Variants in GOLGA7B observed in about 807,000 individuals in gnomAD.
GOLGA7B encodes golgin subfamily A member 7B.
Under a neutral mutation model 21.5 loss-of-function variants are expected in GOLGA7B, and 17 were observed. The ratio of observed to expected loss-of-function variants is 0.79; its 90% CI spans 0.54 to 1.19. The LOEUF (loss-of-function observed/expected upper bound fraction) is 1.19, where lower values mean the gene tolerates loss of function less well. GOLGA7B is among the 50% of genes most tolerant of loss of function. The pLI, the probability that GOLGA7B is intolerant of heterozygous loss-of-function variation, is 0.00. For missense variants in GOLGA7B, 169 were observed against 224.4 expected, an observed-to-expected ratio of 0.75 and a Z score of 1.58; for synonymous variants, 87 against 84.0, an observed-to-expected ratio of 1.04 and a Z score of -0.19.
intron 2 of GOLGA7B, 75 bp downstream of exon 2, chr10:97,859,658 C>T: frequency 2.0e-6 from 3 of 1,512,728 alleles, no homozygotes; most frequent in Non-Finnish European, 2.7e-6. Flanking sequence ...TGTATTTTAT[C>T]CAGGATCCTA....
chr10:97,856,708 G>A (rs2049937363), intron 1 of GOLGA7B, among the ~76,000 whole-genome samples: 1 of 152,168 alleles, frequency 6.6e-6, no homozygotes, highest in Non-Finnish European at 1.5e-5. Flanking sequence ...CACCCACAGA[G>A]TATAAGTGTT....
At chr10:97,859,112 G>A (rs1365155571) in intron 1 of GOLGA7B, among the ~76,000 whole-genome samples, 1 of 152,210 alleles carries the variant, frequency 6.6e-6, no homozygotes, top group Non-Finnish European at 1.5e-5. Flanking sequence ...GGAGTGCAGT[G>A]GTGCAATCAC....
intron 1 of GOLGA7B, among the ~76,000 whole-genome samples, chr10:97,851,847 C>T (rs903728551): frequency 1.4e-4 from 21 of 152,234 alleles, no homozygotes; most frequent in African/African-American, 4.3e-4. Context: ...GTCAAGACAG[C>T]GTTTCCAGGA....
At chr10:97,863,762 C>T (rs1474879864) in intron 2 of GOLGA7B, among the ~76,000 whole-genome samples, 168 bp from the exon 3 acceptor site, 1 of 152,240 alleles carries the variant, frequency 6.6e-6, no homozygotes, top group African/African-American at 2.4e-5. Flanking sequence ...TCTCCTGACT[C>T]CCAGGCCAGT....
chr10:97,850,374 AG>A, intron 1 of GOLGA7B, 59 bp downstream of exon 1: 2 of 1,387,288 alleles, frequency 1.4e-6, no homozygotes, highest in Non-Finnish European at 9.8e-7. Context: ...CAAATGCCCT[AG>A]GGGTGGGCTG....
rs1174697149 is a variant in GOLGA7B at position 97,870,265 on chromosome 10, TAGCCTATA to T, written c.*4571_*4578del. The T allele has an allele frequency of 6.6e-6, 1 of 152,232 alleles. No individual in the cohort carries two copies. Among genetic ancestry groups the T allele is most frequent in the Non-Finnish European group, 1.5e-5 (1 of 68,046 alleles). The allele number at this position is 152,232 out of a possible 1,614,324, so 9.4% of individuals were successfully genotyped here. ...GAATCCCTGGTTTTGACAGTACCTA[TAGCCTATA>T]AGCCTTTAATACACCTCTGAAAATG... On this transcript the variant is annotated 3_prime_UTR_variant, in exon 5 of 5. Coordinates refer to ENST00000370602, the MANE Select transcript of GOLGA7B (RefSeq NM_001010917.3).
chr10:97,864,256 G>A lies in GOLGA7B; in HGVS notation c.380G>A (p.Arg127His), dbSNP rs375682387. The change falls in exon 4 of 5, where the codon CGT becomes CAT. Residue 127 changes from arginine (R) to histidine (H), a missense_variant. Transcript: ENST00000370602. The part of the protein sequence containing the change: ...RGLLLTDPVE[R>H]GMRVIEISIY... ...CTCCTACTTACAGACCCTGTGGAGC[G>A]TGGGATGAGGGTTGTATCCTTCTGG... The A allele has an allele frequency of 3.1e-6, 5 of 1,613,540 alleles. No individual in the cohort carries two copies. The highest frequency in any genetic ancestry group is 1.3e-5 in the African/African-American group (1 of 74,922).
chr10:97,853,654 A>G (rs2049917964), intron 1 of GOLGA7B, among the ~76,000 whole-genome samples: 1 of 152,180 alleles, frequency 6.6e-6, no homozygotes, highest in Non-Finnish European at 1.5e-5. Flanking sequence ...GAGGAAGGTG[A>G]GAAGTGGAGA....
rs2050092257 is a variant in GOLGA7B, at chr10:97,871,421, A to G, written c.*5721A>G. The G allele has an allele frequency of 6.6e-6, 1 of 152,144 alleles. No homozygotes were observed. The highest frequency in any genetic ancestry group is 2.4e-5 in the African/African-American group (1 of 41,416). The allele number at this position is 152,144 out of a possible 1,614,324, so 9.4% of individuals were successfully genotyped here. On this transcript the variant is annotated 3_prime_UTR_variant, in exon 5 of 5. Coordinates refer to ENST00000370602, the MANE Select transcript of GOLGA7B (RefSeq NM_001010917.3). ...TTATAAATAATCATCTGTTTCTCCA[A>G]TGTAAGATATTGTTATTGCAGAAGT...
rs369835704 is a variant in GOLGA7B, at chr10:97,850,211, G to A, written c.-93G>A. Reference sequence around the variant, plus strand: ...CGGACAGCGCCCCGGGCCCCAGCTCGCCGCCACCGCCGCCGCCCACCTGCT... The same window carrying A: ...CGGACAGCGCCCCGGGCCCCAGCTCACCGCCACCGCCGCCGCCCACCTGCT... On this transcript the variant is annotated 5_prime_UTR_variant, in exon 1 of 5. Coordinates refer to ENST00000370602, the MANE Select transcript of GOLGA7B (RefSeq NM_001010917.3). 1 of 875,032 alleles carries A rather than the reference G, an allele frequency of 1.1e-6. No individual in the cohort carries two copies. The highest frequency in any genetic ancestry group is 3.9e-5 in the East Asian group (1 of 25,570). The allele number at this position is 875,032 out of a possible 1,614,324, so 54.2% of individuals were successfully genotyped here.
chr10:97,856,457 A>C (rs1370406049), intron 1 of GOLGA7B, among the ~76,000 whole-genome samples: 3 of 152,196 alleles, frequency 2.0e-5, no homozygotes, highest in Admixed American at 6.5e-5. Context: ...TATATATACC[A>C]CATTTTCTTT....
chr10:97,850,117 C>A lies in GOLGA7B; in HGVS notation c.-187C>A, dbSNP rs2049894772. 5.3e-6 allele frequency: 1 copy of A among 189,328 alleles called. No homozygotes were observed. The highest frequency in any genetic ancestry group is 2.4e-5 in the African/African-American group (1 of 41,792). 11.7% of individuals were successfully genotyped at this position (189,328 alleles called of 1,614,324 possible). The stretch of plus-strand genomic sequence containing the variant: ...ACAGCGGACAGCGCCGCGCCCCTTG[C>A]CTGGACCCAGCCGCCCGCCCGCCCC... On this transcript the variant is annotated 5_prime_UTR_variant, in exon 1 of 5. Transcript: ENST00000370602.
rs901168337 is a variant in GOLGA7B at position 97,858,663 on chromosome 10, C to T, written c.13-795C>T. On this transcript the variant is annotated intron_variant, in intron 1 of 4. Coordinates refer to ENST00000370602, the MANE Select transcript of GOLGA7B (RefSeq NM_001010917.3). ...GAAGGCTATTTCTTCCATTTCTGGC[C>T]TCTGTCCATTTCATCTACACTATTC... is the stretch of plus-strand genomic sequence containing the variant. 2.0e-5 allele frequency among the ~76,000 whole-genome samples: 3 copies of T among 151,958 alleles called. No individual in the cohort carries two copies. The East Asian group carries it at 5.8e-4, about 29-fold the overall frequency.
chr10:97,868,960 A>G lies in GOLGA7B; in HGVS notation c.*3260A>G, dbSNP rs2050059814. On this transcript the variant is annotated 3_prime_UTR_variant, in exon 5 of 5. Transcript: ENST00000370602. ...AATTCTCACAGCAACCCTCTATGGC[A>G]TGGATTCTTATTTCCCATTTTACAT... 6.6e-6 allele frequency: 1 copy of G among 152,356 alleles called. No homozygotes were observed. Among genetic ancestry groups the G allele is most frequent in the South Asian group, 2.1e-4 (1 of 4,830 alleles). 9.4% of individuals were successfully genotyped at this position (152,356 alleles called of 1,614,324 possible).
rs1223809093 is a variant in GOLGA7B, at chr10:97,859,519, GAGACT to G, written c.76_80del (p.Asp26GlnfsTer26). 6.2e-7 allele frequency: 1 copy of G among 1,614,042 alleles called. No homozygotes were observed. Among genetic ancestry groups the G allele is most frequent in the African/African-American group, 1.3e-5 (1 of 74,922 alleles). ...CTGGCCACCAAGGTCTTTATCCAGA[GAGACT>G]ACAGCGATGGGACCATCTGTCAGTT... is the stretch of plus-strand genomic sequence containing the variant. On this transcript the variant is annotated frameshift_variant, in exon 2 of 5. Transcript: ENST00000370602. LOFTEE classifies it high-confidence loss of function.
In GOLGA7B at chr10:97,866,025, G is replaced by A; in HGVS notation, c.*325G>A. The A allele has an allele frequency of 2.8e-6, 1 of 355,556 alleles. No homozygotes were observed. Among genetic ancestry groups the A allele is most frequent in the South Asian group, 7.8e-5 (1 of 12,824 alleles). 22.0% of individuals were successfully genotyped at this position (355,556 alleles called of 1,614,324 possible). A position where few individuals can be genotyped will look rare whatever the true frequency, so the allele number is the denominator to read the frequency against. On this transcript the variant is annotated 3_prime_UTR_variant, in exon 5 of 5. Coordinates refer to ENST00000370602, the MANE Select transcript of GOLGA7B (RefSeq NM_001010917.3). ...ACCTAGGCGGCCCCTCTCTTCCACA[G>A]CCCCTCTCCCAACCCTGCGAGGGGG...
At chr10:97,862,609 A>G (rs901870834) in intron 2 of GOLGA7B, among the ~76,000 whole-genome samples, 1 of 152,178 alleles carries the variant, frequency 6.6e-6, no homozygotes, top group African/African-American at 2.4e-5. Context: ...GGGTAGGCTG[A>G]GGAAGAGGAG....
rs1424041996 is a variant in GOLGA7B, at chr10:97,868,939, C to A, written c.*3239C>A. 6.6e-6 allele frequency: 1 copy of A among 152,220 alleles called. No homozygotes were observed. The highest frequency in any genetic ancestry group is 1.5e-5 in the Non-Finnish European group (1 of 68,026). The allele number at this position is 152,220 out of a possible 1,614,324, so 9.4% of individuals were successfully genotyped here. On this transcript the variant is annotated 3_prime_UTR_variant, in exon 5 of 5. Transcript: ENST00000370602. ...ACTCTACATAATTAGTCATTCAATT[C>A]TCACAGCAACCCTCTATGGCATGGA...
intron 2 of GOLGA7B, among the ~76,000 whole-genome samples, chr10:97,860,498 C>G (rs996626737): frequency 6.6e-6 from 1 of 151,900 alleles, no homozygotes. Flanking sequence ...GTTACAGGTT[C>G]GTGCCACTAC....
Sources: gnomAD v4.1 joint callset for allele counts (sites outside exome capture counted in the v4.1 genomes callset) on GRCh38, gnomAD v4.1.1 for gene constraint, MANE v1.5 for transcripts, NCBI Gene and HGNC (gene_info 2026-07-23, HGNC 2026-07-21) for gene names.